The following MGME1 variants were observed in gnomAD, a reference collection of about 807,000 sequenced individuals.
MGME1 encodes the protein chromosome 20 open reading frame 72.
In MGME1, 22 loss-of-function variants were observed where a neutral mutation model predicts 33.0. The ratio of observed to expected loss-of-function variants is 0.67; its 90% CI spans 0.48 to 0.95. The LOEUF is 0.95. Ranked by LOEUF, MGME1 falls within the 40% of genes least tolerant of loss-of-function variation. The pLI, the probability that MGME1 is intolerant of heterozygous loss-of-function variation, is 0.00. For missense variants in MGME1, 383 were observed against 397.8 expected (o/e 0.96, Z 0.32); for synonymous variants, 133 against 144.0 (o/e 0.92, Z 0.55).
At chr20:17,974,882 C>T (rs188887998) in intron 2 of MGME1, among the ~76,000 whole-genome samples, 143 of 152,126 alleles carry the variant, frequency 9.4e-4, no homozygotes, top group South Asian at 1.7e-3. Context: ...TTTTCATTTG[C>T]GCATGCCTTA....
rs1225014327 is a variant in MGME1 at position 17,975,630 on chromosome 20, G to A, written c.512-54G>A. The A allele has an allele frequency of 1.2e-5, 15 of 1,284,272 alleles. No homozygotes were observed. The African/African-American group carries it at 2.2e-4, about 19-fold the overall frequency. 79.6% of individuals were successfully genotyped at this position (1,284,272 alleles called of 1,614,324 possible). ...GGCGTTTTAGAGTATTTGTTTTTCA[G>A]TGTTAGCTTTGTTTGTGTTTCCCCC... On this transcript the variant is annotated intron_variant, in intron 2 of 4. Coordinates refer to ENST00000377710, the MANE Select transcript of MGME1 (RefSeq NM_052865.4).
At chr20:17,984,387 T>C (rs888224261) in intron 3 of MGME1, among the ~76,000 whole-genome samples, 16 of 152,184 alleles carry the variant, frequency 1.1e-4, no homozygotes, top group Admixed American at 9.8e-4. Context: ...CATAAGATTA[T>C]AATGGAGCTG....
chr20:17,969,537 C>T (rs1054872981), intron 1 of MGME1, among the ~76,000 whole-genome samples: 2 of 152,216 alleles, frequency 1.3e-5, no homozygotes, highest in Admixed American at 6.5e-5. Flanking sequence ...TCGCACACGC[C>T]TCCCTTCCTG....
rs529028331 is a variant in MGME1, at chr20:17,970,491, A to G, written c.511+121A>G. ...CTTACTAGCAAGGAACTCCCTTCAG[A>G]TAGTAATTAACATTAAATAGCACTT... On this transcript the variant is annotated intron_variant, in intron 2 of 4. Coordinates refer to ENST00000377710, the MANE Select transcript of MGME1 (RefSeq NM_052865.4). The G allele has an allele frequency of 8.4e-6, 8 of 951,510 alleles. No homozygotes were observed. The African/African-American group carries it at 1.3e-4, about 16-fold the overall frequency. 58.9% of individuals were successfully genotyped at this position (951,510 alleles called of 1,614,324 possible). A position where few individuals can be genotyped will look rare whatever the true frequency, so the allele number is the denominator to read the frequency against.
chr20:17,974,234 T>A (rs2035803896), intron 2 of MGME1, among the ~76,000 whole-genome samples: 1 of 152,046 alleles, frequency 6.6e-6, no homozygotes, highest in African/African-American at 2.4e-5. Context: ...CTGGCTAATT[T>A]TTGTATTTTG....
At chr20:17,972,585 TTGAG>T in intron 2 of MGME1, 1 of 844,250 alleles carries the variant, frequency 1.2e-6, no homozygotes, top group East Asian at 1.2e-4. Flanking sequence ...TTTCATTACT[TTGAG>T]TGAATAAGCA....
At chr20:17,978,613 A>G (rs1362384722) in intron 3 of MGME1, among the ~76,000 whole-genome samples, 1 of 152,192 alleles carries the variant, frequency 6.6e-6, no homozygotes, top group Admixed American at 6.5e-5. Context: ...CAAGGAAGCC[A>G]TACAGTCACC....
chr20:17,969,923 T>C lies in MGME1; in HGVS notation c.64T>C (p.Ser22Pro). 6.2e-7 allele frequency: 1 copy of C among 1,614,060 alleles called. No individual in the cohort carries two copies. The highest frequency in any genetic ancestry group is 8.5e-7 in the Non-Finnish European group (1 of 1,179,994). The change falls in exon 2 of 5, where the codon TCA becomes CCA. Residue 22 changes from serine (S) to proline (P), a missense_variant. By Grantham distance (74) the Ser-to-Pro change is moderately conservative (BLOSUM62 -1). Transcript: ENST00000377710. ...CAGGAGTTCAAAGTTTTCTGTGGAA[T>C]CAGCTGCCCTTGTGGCTTTCTCTAC... ...QLRSSKFSVE[S>P]AALVAFSTSS...
chr20:17,972,436 ATTTTTTT>A (rs143594137), intron 2 of MGME1, among the ~76,000 whole-genome samples: 1 of 125,722 alleles, frequency 8.0e-6, no homozygotes, highest in South Asian at 2.6e-4. Flanking sequence ...TTAGGTTTTA[ATTTTTTT>A]TTTTTTTTTT....
At chr20:17,984,705 T>A (rs1216189262) in intron 3 of MGME1, among the ~76,000 whole-genome samples, 1 of 151,996 alleles carries the variant, frequency 6.6e-6, no homozygotes, top group Non-Finnish European at 1.5e-5. Flanking sequence ...GGGTAAAAAA[T>A]AATTTTAATA....
intron 3 of MGME1, 32 bp from the exon 4 acceptor site, chr20:17,988,134 A>G: frequency 6.3e-7 from 1 of 1,589,508 alleles, no homozygotes; most frequent in Non-Finnish European, 8.6e-7. Flanking sequence ...GTGATCTATT[A>G]CCTACAAAGT....
intron 3 of MGME1, among the ~76,000 whole-genome samples, chr20:17,979,830 C>G (rs1333112459): frequency 2.0e-5 from 3 of 152,100 alleles, no homozygotes; most frequent in South Asian, 2.1e-4. Context: ...TCCCCAGGCT[C>G]AGGCTGTCCT....
rs1306039769 is a variant in MGME1, at chr20:17,970,253, AGT to A, written c.398_399del (p.Val133AspfsTer33). ...KIPLQRNVIP[S>X]VTRVLQQTMT... ...CCCCTTGCAAAGGAATGTGATACCA[AGT>A]GTGACCCGAGTCCTTCAGCAGACCA... On this transcript the variant is annotated frameshift_variant, in exon 2 of 5. Coordinates refer to ENST00000377710, the MANE Select transcript of MGME1 (RefSeq NM_052865.4). LOFTEE classifies it high-confidence loss of function. The A allele has an allele frequency of 3.1e-6, 5 of 1,614,134 alleles. No homozygotes were observed. The highest frequency in any genetic ancestry group is 1.3e-5 in the African/African-American group (1 of 74,950).
At chr20:17,972,643 T>C (rs1245223805) in intron 2 of MGME1, 11 of 981,956 alleles carry the variant, frequency 1.1e-5, no homozygotes, top group Admixed American at 1.2e-4. Flanking sequence ...TCATTTTTTA[T>C]TTTTATAAAT....
At chr20:17,969,509 T>G (rs2035653863) in intron 1 of MGME1, among the ~76,000 whole-genome samples, 1 of 152,216 alleles carries the variant, frequency 6.6e-6, no homozygotes, top group Non-Finnish European at 1.5e-5. Context: ...GGGCTCCATC[T>G]TTGTGTTTTT....
At chr20:17,969,336 C>T (rs1035715498) in intron 1 of MGME1, among the ~76,000 whole-genome samples, 195 bp downstream of exon 1, 4 of 152,242 alleles carry the variant, frequency 2.6e-5, no homozygotes, top group Non-Finnish European at 4.4e-5. Flanking sequence ...CGACGGGACC[C>T]TCCAACCCGA....
intron 2 of MGME1, 105 bp from the exon 3 acceptor site, chr20:17,975,579 T>A (rs1330326384): frequency 2.5e-5 from 20 of 812,338 alleles, no homozygotes; most frequent in African/African-American, 5.3e-5. Flanking sequence ...GAAAAAAAAA[T>A]GTCATTTTTA....
At chr20:17,989,912 C>T (rs1164732698) in intron 4 of MGME1, 27 bp from the exon 5 acceptor site, 17 of 1,606,162 alleles carry the variant, frequency 1.1e-5, no homozygotes, top group South Asian at 3.3e-5. Context: ...TGTAGTGAAA[C>T]GAGAATTGCC....
intron 3 of MGME1, among the ~76,000 whole-genome samples, chr20:17,977,388 TAAAA>T (rs1461201081): frequency 3.4e-5 from 5 of 146,112 alleles, no homozygotes; most frequent in African/African-American, 7.6e-5. Context: ...AAAAAAAAAA[TAAAA>T]GAAAGAAAAG....
Sources: allele counts gnomAD v4.1 joint callset (sites outside exome capture counted in the v4.1 genomes callset), GRCh38; gene constraint gnomAD v4.1.1; transcripts MANE v1.5; gene names NCBI Gene and HGNC (gene_info 2026-07-23, HGNC 2026-07-21).